MED23: variants seen among roughly 807,000 people sequenced by gnomAD.
MED23 encodes mediator of RNA polymerase II transcription subunit 23.
Under a neutral mutation model 163.9 loss-of-function variants are expected in MED23, and 105 were observed. The ratio of observed to expected loss-of-function variants is 0.64; its 90% CI spans 0.55 to 0.75. MED23 has a LOEUF of 0.75. MED23 is among the 30% of genes least tolerant of loss of function. The probability of loss-of-function intolerance (pLI) is 0.00; values close to 1 mark genes in which losing one functional copy is unlikely to be tolerated. For missense variants in MED23, 1,054 were observed against 1,649.0 expected, an observed-to-expected ratio of 0.64 and a Z score of 6.25; for synonymous variants, 561 against 565.6, an observed-to-expected ratio of 0.99 and a Z score of 0.12.
chr6:131,583,265 C>T (rs946074586), downstream of MED23: 25 of 1,604,672 alleles, frequency 1.6e-5, no homozygotes, highest in Non-Finnish European at 2.0e-5. Context: ...TAATGGGTTG[C>T]TACTTTTTAT....
chr6:131,600,398 C>A (rs1294617628), intron 17 of MED23, among the ~76,000 whole-genome samples: 2 of 152,112 alleles, frequency 1.3e-5, no homozygotes, highest in Non-Finnish European at 2.9e-5. Flanking sequence ...CATTTGAAAT[C>A]TCTTTTTTTG....
intron 30 of MED23, among the ~76,000 whole-genome samples, chr6:131,578,453 C>G (rs1329933336): frequency 6.6e-6 from 1 of 152,066 alleles, no homozygotes; most frequent in African/African-American, 2.4e-5. Context: ...GGGAGCACAC[C>G]CAGTCCTTAG....
rs1394203529 is a variant in MED23 at position 131,591,432 on chromosome 6, G to T, written c.3567C>A (p.Arg1189=). The change falls in exon 26 of 29, where the codon CGC becomes CGA. Residue 1189 remains arginine, a synonymous_variant. Coordinates refer to ENST00000368068, the MANE Select transcript of MED23 (RefSeq NM_004830.4). Reference sequence around the variant, plus strand: ...GATGACAGGCAGTGAAATCAAAGAGGCGGAATGGATAGCCAACCCACTCTG... The same window carrying T: ...GATGACAGGCAGTGAAATCAAAGAGTCGGAATGGATAGCCAACCCACTCTG... ...SETEWVGYPF[R]LFDFTACHQS... The T allele has an allele frequency of 3.1e-6, 5 of 1,613,750 alleles. No individual in the cohort carries two copies. The African/African-American group carries it at 6.7e-5, about 22-fold the overall frequency.
chr6:131,591,500 G>A lies in MED23; in HGVS notation c.3499C>T (p.Arg1167Ter). The A allele has an allele frequency of 3.7e-6, 6 of 1,613,530 alleles. No individual in the cohort carries two copies. The highest frequency in any genetic ancestry group is 5.1e-6 in the Non-Finnish European group (6 of 1,179,738). The change falls in exon 26 of 29, where the codon CGA becomes TGA. Residue 1167 changes from arginine (R) to a stop codon, truncating the protein, a stop_gained. Transcript: ENST00000368068. LOFTEE classifies it high-confidence loss of function. ...GGGCTGCTGATGACACTCACAATTC[G>A]ATCATGAAGAACAATCCAATATGGC... ...PEPYWIVLHD[R>*]IVSVISSPSL...
chr6:131,583,970 C>A (rs1471251940), downstream of MED23: 3 of 1,571,264 alleles, frequency 1.9e-6, no homozygotes, highest in Non-Finnish European at 2.6e-6. Flanking sequence ...TAATCATTTT[C>A]TTAAGCATAG....
chr6:131,584,080 T>TCTAA, downstream of MED23: 2 of 768,576 alleles, frequency 2.6e-6, no homozygotes, highest in South Asian at 2.0e-5. Flanking sequence ...ATGTGGAAAT[T>TCTAA]CTAACTTTTT....
chr6:131,591,580 C>A, intron 25 of MED23, 53 bp from the exon 26 acceptor site: 1 of 1,315,056 alleles, frequency 7.6e-7, no homozygotes, highest in South Asian at 1.2e-5. Flanking sequence ...AGCATTCCAC[C>A]CCAAAGTCTA....
At chr6:131,615,750 T>C (rs1263064949) in intron 10 of MED23, 157 bp downstream of exon 10, 2 of 675,290 alleles carry the variant, frequency 3.0e-6, no homozygotes, top group South Asian at 3.4e-5. Flanking sequence ...AATATATAAA[T>C]GATAGGAATA....
At chr6:131,577,247 A>T (rs1773663785) in intron 30 of MED23, among the ~76,000 whole-genome samples, 2 of 152,188 alleles carry the variant, frequency 1.3e-5, no homozygotes, top group Non-Finnish European at 2.9e-5. Context: ...TACATATAAG[A>T]TTCTGATAAA....
chr6:131,620,637 AAGTTTGCCTTCAGGATAC>A lies in MED23; in HGVS notation c.570_587del (p.Tyr191_Leu196del). 1 of 1,608,668 alleles carries A rather than the reference AAGTTTGCCTTCAGGATAC, an allele frequency of 6.2e-7. No homozygotes were observed. The highest frequency in any genetic ancestry group is 1.1e-5 in the South Asian group (1 of 90,952). On this transcript the variant is annotated inframe_deletion, in exon 7 of 29. Transcript: ENST00000368068. ...GAAATATAAAATTTACCCAGTGTGG[AAGTTTGCCTTCAGGATAC>A]AGTTTCCTGATCTCAGTGACTGCAA...
At chr6:131,599,207 C>T (rs928359992) in intron 18 of MED23, among the ~76,000 whole-genome samples, 1 of 152,158 alleles carries the variant, frequency 6.6e-6, no homozygotes, top group Non-Finnish European at 1.5e-5. Context: ...GACCTTATCC[C>T]AGATTTACTG....
rs1221642575 is a variant in MED23 at position 131,598,922 on chromosome 6, C to T, written c.2221-161G>A. On this transcript the variant is annotated intron_variant, in intron 18 of 28. Transcript: ENST00000368068. This position sits in a 1 kb window ranked among gnomAD's most constrained non-coding sequence, Gnocchi z 4.7. ...CCTGAATTTCTGTGTCTGGAAAATA[C>T]ATAAGCTTGACTAGATTATCTCCAA... 6.6e-6 allele frequency among the ~76,000 whole-genome samples: 1 copy of T among 152,182 alleles called. No homozygotes were observed. The highest frequency in any genetic ancestry group is 2.4e-5 in the African/African-American group (1 of 41,448).
Position 131,574,137 on chromosome 6 carries a change from C to T in MED23, c.*156G>A, listed in dbSNP as rs1407706954. On this transcript the variant is annotated 3_prime_UTR_variant, in exon 31 of 31. Transcript: ENST00000354577. Reference sequence around the variant, plus strand: ...ACAGAACACCTTAGACTTCAACACGCATCTGTGCTTAAAGAGGATAAAAAA... The same window carrying T: ...ACAGAACACCTTAGACTTCAACACGTATCTGTGCTTAAAGAGGATAAAAAA... The T allele has an allele frequency of 1.5e-5, 13 of 872,404 alleles. No individual in the cohort carries two copies. The East Asian group carries it at 1.8e-4, about 12-fold the overall frequency. The allele number at this position is 872,404 out of a possible 1,614,324, so 54.0% of individuals were successfully genotyped here.
chr6:131,623,125 C>T (rs1777230045), intron 5 of MED23, among the ~76,000 whole-genome samples: 1 of 152,154 alleles, frequency 6.6e-6, no homozygotes, highest in African/African-American at 2.4e-5. Flanking sequence ...CCCTGCTCTT[C>T]ATAAAAATGT....
rs909169128 is a variant in MED23, at chr6:131,593,055, C to G, written c.3349G>C (p.Val1117Leu). 6.2e-7 allele frequency: 1 copy of G among 1,614,070 alleles called. No homozygotes were observed. The highest frequency in any genetic ancestry group is 8.5e-7 in the Non-Finnish European group (1 of 1,180,044). The change falls in exon 24 of 29, where the codon GTT becomes CTT. Residue 1117 changes from valine to leucine, a missense_variant. Physicochemically the swap from Val to Leu is conservative, Grantham distance 32 (BLOSUM62 1). Coordinates refer to ENST00000368068, the MANE Select transcript of MED23 (RefSeq NM_004830.4). ...GCATTCCCAACTTCTTTGCCTGAAA[C>G]TGCCAAGGCCATGAGCTCCACACAA... ...VTCVELMALA[V>L]SGKEVGNALL...
intron 30 of MED23, chr6:131,581,124 T>A: frequency 1.5e-6 from 2 of 1,293,778 alleles, no homozygotes; most frequent in Non-Finnish European, 2.2e-6. Flanking sequence ...ACACTGTGAC[T>A]CAAAGGAAAA....
chr6:131,594,601 T>A (rs1774900471), intron 22 of MED23, among the ~76,000 whole-genome samples: 1 of 152,176 alleles, frequency 6.6e-6, no homozygotes, highest in South Asian at 2.1e-4. Context: ...CCTGCATAAA[T>A]TTTAATCCCT....
chr6:131,606,976 A>G (rs1775898167), intron 12 of MED23, among the ~76,000 whole-genome samples: 1 of 152,136 alleles, frequency 6.6e-6, no homozygotes, highest in South Asian at 2.1e-4. Context: ...TAAAGTGACA[A>G]ATGTAACTAA....
chr6:131,609,733 C>CATAT (rs921959930), intron 11 of MED23, among the ~76,000 whole-genome samples: 2 of 144,728 alleles, frequency 1.4e-5, no homozygotes, highest in Admixed American at 1.4e-4. Context: ...TATACACATA[C>CATAT]ATATATATAT....
Sources: gnomAD v4.1 joint callset for allele counts (sites outside exome capture counted in the v4.1 genomes callset) on GRCh38, gnomAD v4.1.1 for gene constraint, Gnocchi (gnomAD v3.1) non-coding constraint, MANE v1.5 for transcripts, NCBI Gene and HGNC (gene_info 2026-07-23, HGNC 2026-07-21) for gene names.